Variants in CCDC91 observed in about 807,000 individuals in gnomAD.
CCDC91 encodes the protein coiled-coil domain-containing protein 91.
A neutral mutation model predicts 63.2 loss-of-function variants in CCDC91; 48 were observed. The observed-to-expected ratio is 0.76, with a 90% CI of 0.60 to 0.97. The LOEUF is 0.97. Among genes scored for constraint, CCDC91 ranks in the 50% least tolerant of loss-of-function variants. CCDC91 has a pLI of 0.00. For missense variants in CCDC91, 500 were observed against 494.6 expected (o/e 1.01, Z -0.10); for synonymous variants, 167 against 165.8 (o/e 1.01, Z -0.06).
At chr12:28,227,455 T>C (rs7304312) in intron 1 of CCDC91, among the ~76,000 whole-genome samples, 146,217 of 152,112 alleles carry the variant, frequency 0.96, 70,522 homozygotes, top group East Asian at 1. Context: ...TTGAACTCTT[T>C]CTCTTTCTAG....
intron 3 of CCDC91, among the ~76,000 whole-genome samples, chr12:28,283,960 C>T (rs2136632366): frequency 6.6e-6 from 1 of 152,222 alleles, no homozygotes; most frequent in Admixed American, 6.5e-5. Flanking sequence ...CTCTGCCAGG[C>T]ATGCTATTCT....
chr12:28,298,233 G>GAT (rs1325707224), intron 3 of CCDC91, among the ~76,000 whole-genome samples: 1 of 151,698 alleles, frequency 6.6e-6, no homozygotes, highest in Admixed American at 6.6e-5. Flanking sequence ...CTCATAAATT[G>GAT]ATAGTGCCTA....
chr12:28,318,378 C>CA (rs1185927568), intron 6 of CCDC91, among the ~76,000 whole-genome samples: 2 of 150,736 alleles, frequency 1.3e-5, no homozygotes, highest in Non-Finnish European at 3.0e-5. Context: ...AAAAAGAAAC[C>CA]AAAAAACGAA....
At chr12:28,543,380 C>T (rs1231058534) in intron 12 of CCDC91, among the ~76,000 whole-genome samples, 5 of 151,946 alleles carry the variant, frequency 3.3e-5, no homozygotes, top group South Asian at 2.1e-4. Context: ...TTGTGCAACC[C>T]GCCTTATTTT....
At chr12:28,483,534 C>T (rs1951556055) in intron 11 of CCDC91, among the ~76,000 whole-genome samples, 1 of 152,046 alleles carries the variant, frequency 6.6e-6, no homozygotes, top group Non-Finnish European at 1.5e-5. Context: ...TACTAGCACA[C>T]TGGGTGGAAT....
intron 12 of CCDC91, among the ~76,000 whole-genome samples, chr12:28,491,259 T>C (rs776314880): frequency 1.5e-4 from 23 of 151,716 alleles, no homozygotes; most frequent in Non-Finnish European, 2.8e-4. Flanking sequence ...CTTTATTCTT[T>C]GGTAAAATGA....
intron 1 of CCDC91, among the ~76,000 whole-genome samples, chr12:28,193,220 T>C (rs1941419406): frequency 6.6e-6 from 1 of 152,226 alleles, no homozygotes; most frequent in African/African-American, 2.4e-5. Context: ...AAGGTGCAAG[T>C]CTTTGTGTAG....
chr12:28,479,301 A>C (rs940917517), intron 11 of CCDC91, among the ~76,000 whole-genome samples: 10 of 152,188 alleles, frequency 6.6e-5, no homozygotes, highest in African/African-American at 2.4e-4. Context: ...GGAAGAGTTC[A>C]TGTCCTTTGT....
intron 11 of CCDC91, among the ~76,000 whole-genome samples, chr12:28,464,464 G>A (rs926956172): frequency 6.6e-6 from 1 of 152,192 alleles, no homozygotes; most frequent in African/African-American, 2.4e-5. Context: ...AGATGTAACA[G>A]TAGGGAGGAC....
rs543813818 is a variant in CCDC91 at position 28,273,525 on chromosome 12, T to A, written c.109+14083T>A. On this transcript the variant is annotated intron_variant, in intron 3 of 12. Coordinates refer to ENST00000536442, the MANE Select transcript of CCDC91 (RefSeq NM_018318.5). ...TGTTGTTTCCTGACTTTTTAATGAT[T>A]GCCATTCTAACTGGTGTGAGATGGT... is the stretch of plus-strand genomic sequence containing the variant. 5.8e-3 allele frequency among the ~76,000 whole-genome samples: 879 copies of A among 152,186 alleles called. 12 individuals are homozygous for A. The highest frequency in any genetic ancestry group is 0.02 in the African/African-American group (817 of 41,504).
intron 11 of CCDC91, among the ~76,000 whole-genome samples, chr12:28,456,993 C>T (rs1044114987): frequency 6.6e-6 from 1 of 152,094 alleles, no homozygotes; most frequent in African/African-American, 2.4e-5. Flanking sequence ...AGAATATGGC[C>T]ACTTTAGATT....
chr12:28,292,737 T>C (rs1949327288), intron 3 of CCDC91, among the ~76,000 whole-genome samples: 2 of 152,152 alleles, frequency 1.3e-5, no homozygotes, highest in African/African-American at 4.8e-5. Flanking sequence ...ATGTAGTATA[T>C]AAATTGTCAG....
At chr12:28,415,227 AT>A (rs35304033) in intron 8 of CCDC91, among the ~76,000 whole-genome samples, 59,613 of 145,584 alleles carry the variant, frequency 0.41, 11,873 homozygotes, top group Middle Eastern at 0.5. Flanking sequence ...TGTAAAGCGG[AT>A]TTTTTTTTTT....
At chr12:28,259,029 A>G (rs1430416192) in intron 2 of CCDC91, among the ~76,000 whole-genome samples, 1 of 151,996 alleles carries the variant, frequency 6.6e-6, no homozygotes, top group African/African-American at 2.4e-5. Flanking sequence ...TCCTACATAG[A>G]TGGTTAAATG....
At chr12:28,519,277 A>G (rs1471879551) in intron 12 of CCDC91, among the ~76,000 whole-genome samples, 1 of 149,218 alleles carries the variant, frequency 6.7e-6, no homozygotes, top group East Asian at 1.9e-4. Flanking sequence ...TTAGTTAGGT[A>G]TATTGCTAAG....
chr12:28,278,887 T>C (rs1948416378), intron 3 of CCDC91, among the ~76,000 whole-genome samples: 1 of 152,024 alleles, frequency 6.6e-6, no homozygotes, highest in Non-Finnish European at 1.5e-5. Context: ...ATATATACTT[T>C]AAAAAAGTAT....
chr12:28,423,167 C>T (rs1243240881), intron 8 of CCDC91, among the ~76,000 whole-genome samples: 1 of 152,018 alleles, frequency 6.6e-6, no homozygotes, highest in African/African-American at 2.4e-5. Context: ...TTCCTGTGAT[C>T]TTCTGAGGCA....
chr12:28,426,497 T>A (rs994233989), intron 8 of CCDC91, among the ~76,000 whole-genome samples: 1 of 152,312 alleles, frequency 6.6e-6, no homozygotes, highest in East Asian at 1.9e-4. Context: ...TTTGATTTTT[T>A]GCCCTTTATT....
chr12:28,501,884 G>T (rs1010846494), intron 12 of CCDC91, among the ~76,000 whole-genome samples: 4 of 151,412 alleles, frequency 2.6e-5, no homozygotes, highest in Non-Finnish European at 5.9e-5. Context: ...CAATTTCAGA[G>T]CCTGTTATTG....
Sources: gnomAD v4.1 joint callset for allele counts (sites outside exome capture counted in the v4.1 genomes callset) on GRCh38, gnomAD v4.1.1 for gene constraint, MANE v1.5 for transcripts, NCBI Gene and HGNC (gene_info 2026-07-23, HGNC 2026-07-21) for gene names.